Variants in LIPH observed in about 807,000 individuals in gnomAD.
The protein encoded by LIPH is lipase member H.
A neutral mutation model predicts 47.6 loss-of-function variants in LIPH; 32 were observed. That is an observed-to-expected ratio of 0.67 (90% CI 0.51 to 0.90). The LOEUF (loss-of-function observed/expected upper bound fraction) is 0.90. Ranked by LOEUF, LIPH falls within the 40% of genes least tolerant of loss-of-function variation. The probability of loss-of-function intolerance (pLI) is 0.00; values close to 1 mark genes in which losing one functional copy is unlikely to be tolerated. For synonymous variants in LIPH, 190 were observed against 195.6 expected, an observed-to-expected ratio of 0.97 and a Z score of 0.24; for missense variants, 497 against 541.4, an observed-to-expected ratio of 0.92 and a Z score of 0.81.
At chr3:185,542,615 C>A (rs900967072) in intron 1 of LIPH, among the ~76,000 whole-genome samples, 4 of 152,174 alleles carry the variant, frequency 2.6e-5, no homozygotes, top group Non-Finnish European at 4.4e-5. Flanking sequence ...CCACACCCAG[C>A]CACTTCCTGT....
rs116395902 is a variant in LIPH, at chr3:185,548,068, A to T, written c.49+4355T>A. Among the ~76,000 whole-genome samples the T allele has an allele frequency of 9.9e-3, 1,512 of 152,302 alleles. 16 individuals carry two copies. Among genetic ancestry groups the T allele is most frequent in the Middle Eastern group, 0.082 (24 of 294 alleles). ...ATTTCCAAAAGTCCAAGAAATAAAA[A>T]TCTGAAGTTTTTTTAGGCCAGAAAC... On this transcript the variant is annotated intron_variant, in intron 1 of 9. Transcript: ENST00000296252.
At chr3:185,510,822 C>G (rs1719538801) in intron 9 of LIPH, among the ~76,000 whole-genome samples, 1 of 152,112 alleles carries the variant, frequency 6.6e-6, no homozygotes, top group African/African-American at 2.4e-5. Flanking sequence ...TTTTCTGTAC[C>G]TTTTTTTATA....
chr3:185,552,351 G>A (rs1479806558), intron 1 of LIPH, 72 bp downstream of exon 1: 14 of 1,035,342 alleles, frequency 1.4e-5, no homozygotes, highest in Non-Finnish European at 2.0e-5. Flanking sequence ...GTGGAATGAT[G>A]ACATGCAAAA....
chr3:185,546,208 C>T (rs964605986), intron 1 of LIPH, among the ~76,000 whole-genome samples: 3 of 150,676 alleles, frequency 2.0e-5, no homozygotes, highest in South Asian at 2.1e-4. Context: ...AAAAATTAGC[C>T]GGGTGTGGTA....
intron 1 of LIPH, among the ~76,000 whole-genome samples, chr3:185,537,100 G>C (rs1284662846): frequency 6.6e-6 from 1 of 152,196 alleles, no homozygotes; most frequent in African/African-American, 2.4e-5. Flanking sequence ...GGCCAAGGTG[G>C]TCTTGAACTC....
intron 7 of LIPH, among the ~76,000 whole-genome samples, chr3:185,515,307 T>TAAA (rs1553820561): frequency 4.0e-4 from 59 of 145,954 alleles, no homozygotes; most frequent in African/African-American, 1.3e-3. Flanking sequence ...TGGGTTTTTT[T>TAAA]AAAAAAAAAA....
intron 1 of LIPH, among the ~76,000 whole-genome samples, chr3:185,548,406 A>G (rs1720947194): frequency 6.7e-6 from 1 of 148,276 alleles, no homozygotes; most frequent in Admixed American, 6.8e-5. Flanking sequence ...TCTGTCTCAC[A>G]TAAAAGGAAA....
chr3:185,524,873 C>A (rs889854355), intron 4 of LIPH, among the ~76,000 whole-genome samples: 1 of 152,068 alleles, frequency 6.6e-6, no homozygotes, highest in Non-Finnish European at 1.5e-5. Context: ...TAGATAAAAT[C>A]TTTAAATATT....
At chr3:185,527,428 G>C (rs1720141782) in intron 4 of LIPH, 56 bp downstream of exon 4, 3 of 1,160,742 alleles carry the variant, frequency 2.6e-6, no homozygotes, top group African/African-American at 3.0e-5. Flanking sequence ...CTCTCCCCAG[G>C]GGACACTCTT....
chr3:185,521,810 A>C (rs566154212), intron 5 of LIPH, among the ~76,000 whole-genome samples: 1 of 152,344 alleles, frequency 6.6e-6, no homozygotes, highest in Admixed American at 6.5e-5. Context: ...TCATTAAGCT[A>C]ACTGCAATTA....
At chr3:185,552,392 AG>A (rs746684466) in intron 1 of LIPH, 30 bp downstream of exon 1, 1 of 1,467,302 alleles carries the variant, frequency 6.8e-7, no homozygotes, top group African/African-American at 1.4e-5. Flanking sequence ...TTTTTTAAGC[AG>A]TTAAGAAAAC....
chr3:185,508,241 A>T lies in LIPH; in HGVS notation c.*549T>A, dbSNP rs538267959. 6.3e-6 allele frequency: 1 copy of T among 158,892 alleles called. No individual in the cohort carries two copies. The highest frequency in any genetic ancestry group is 1.4e-5 in the Non-Finnish European group (1 of 71,482). 9.8% of individuals were successfully genotyped at this position (158,892 alleles called of 1,614,324 possible). A position where few individuals can be genotyped will look rare whatever the true frequency, so the allele number is the denominator to read the frequency against. ...ATTAGATAAGCCCAAATGTAAAAGC[A>T]TATTCACATTTATCAAACATCTCAT... On this transcript the variant is annotated 3_prime_UTR_variant, in exon 10 of 10. Transcript: ENST00000296252.
chr3:185,508,007 C>G lies in LIPH; in HGVS notation c.*783G>C, dbSNP rs1010158238. 3 of 152,364 alleles carry G rather than the reference C, an allele frequency of 2.0e-5. No individual in the cohort carries two copies. The highest frequency in any genetic ancestry group is 2.0e-4 in the Admixed American group (3 of 15,268). 9.4% of individuals were successfully genotyped at this position (152,364 alleles called of 1,614,324 possible). A position where few individuals can be genotyped will look rare whatever the true frequency, so the allele number is the denominator to read the frequency against. ...GTCCCCATGTGAAGAGGCTGCCCCACGGCTTCCTCGTCCTTCTTTCTTCAT... is the reference window on the plus strand; with the variant it reads ...GTCCCCATGTGAAGAGGCTGCCCCAGGGCTTCCTCGTCCTTCTTTCTTCAT... On this transcript the variant is annotated 3_prime_UTR_variant, in exon 10 of 10. Transcript: ENST00000296252.
At chr3:185,519,409 C>T (rs545035751) in intron 5 of LIPH, 100 bp from the exon 6 acceptor site, 63 of 788,820 alleles carry the variant, frequency 8.0e-5, no homozygotes, top group South Asian at 6.2e-4. Context: ...TCTGGCCCTG[C>T]GCTCTTTCAG....
rs558065759 is a variant in LIPH at position 185,539,617 on chromosome 3, C to T, written c.50-4485G>A. Reference sequence around the variant, plus strand: ...AACTCCAGACTTCAGGCGATCCACCCGCCTCAGCCTCCCAAAGTGCTGGGA... The same window carrying T: ...AACTCCAGACTTCAGGCGATCCACCTGCCTCAGCCTCCCAAAGTGCTGGGA... On this transcript the variant is annotated intron_variant, in intron 1 of 9. Transcript: ENST00000296252. Among the ~76,000 whole-genome samples, 34 of 152,118 alleles carry T rather than the reference C, an allele frequency of 2.2e-4. No individual in the cohort carries two copies. The East Asian group carries it at 5.2e-3, about 23-fold the overall frequency.
intron 8 of LIPH, 50 bp from the exon 9 acceptor site, chr3:185,511,747 G>A (rs994409620): frequency 7.2e-6 from 10 of 1,392,484 alleles, no homozygotes; most frequent in Non-Finnish European, 1.0e-5. Context: ...ACTAATGAGA[G>A]AAAGCAGTTT....
intron 9 of LIPH, among the ~76,000 whole-genome samples, chr3:185,509,850 A>G (rs1291959959): frequency 6.6e-6 from 1 of 152,150 alleles, no homozygotes; most frequent in Non-Finnish European, 1.5e-5. Context: ...GGGCAAAAAA[A>G]GTATTAAAAA....
intron 1 of LIPH, among the ~76,000 whole-genome samples, chr3:185,539,182 T>G (rs1179982144): frequency 6.6e-6 from 1 of 151,758 alleles, no homozygotes; most frequent in East Asian, 1.9e-4. Flanking sequence ...TTGGCCAGGA[T>G]GGTCTCAATC....
chr3:185,527,035 A>C (rs1178307220), intron 4 of LIPH, among the ~76,000 whole-genome samples: 5 of 151,932 alleles, frequency 3.3e-5, no homozygotes, highest in Non-Finnish European at 7.4e-5. Context: ...GTCAGGAGAT[A>C]GAGACCATCC....
Sources: gnomAD v4.1 joint callset for allele counts (sites outside exome capture counted in the v4.1 genomes callset) on GRCh38, gnomAD v4.1.1 for gene constraint, MANE v1.5 for transcripts, NCBI Gene and HGNC (gene_info 2026-07-23, HGNC 2026-07-21) for gene names.